Variants in CCDC3 observed in about 807,000 individuals in gnomAD.
CCDC3 encodes the protein coiled-coil domain containing 3.
Under a neutral mutation model 21.4 loss-of-function variants are expected in CCDC3, and 24 were observed. The observed-to-expected ratio is 1.12, with a 90% CI of 0.81 to 1.58. The LOEUF is 1.58. Ranked by LOEUF, CCDC3 falls within the 40% of genes most tolerant of loss-of-function variation. CCDC3 has a pLI of 0.00. For synonymous variants in CCDC3, 186 were observed against 166.0 expected (o/e 1.12, Z -0.93); for missense variants, 425 against 360.9 (o/e 1.18, Z -1.44).
In CCDC3 at chr10:12,998,040, C is replaced by A. The variant is rs896417317; in HGVS notation, c.549+298G>T. 2.6e-5 allele frequency among the ~76,000 whole-genome samples: 4 copies of A among 152,122 alleles called. 1 individual carries two copies. The highest frequency in any genetic ancestry group is 9.7e-5 in the African/African-American group (4 of 41,418). On this transcript the variant is annotated intron_variant, in intron 2 of 2. Coordinates refer to ENST00000378825, the MANE Select transcript of CCDC3 (RefSeq NM_031455.4). The stretch of plus-strand genomic sequence containing the variant: ...GCCTGATATAGATGCTACTATTGTC[C>A]CTGTTCTGTAGAAGAGGAAACTGAG...
chr10:13,070,727 G>A (rs1836871982), intron 4 of CCDC3, among the ~76,000 whole-genome samples: 1 of 152,152 alleles, frequency 6.6e-6, no homozygotes, highest in Non-Finnish European at 1.5e-5. Flanking sequence ...CGATCTAAAA[G>A]GCCTATGTGG....
At chr10:12,956,410 A>G (rs1028217705) in intron 2 of CCDC3, among the ~76,000 whole-genome samples, 1 of 152,100 alleles carries the variant, frequency 6.6e-6, no homozygotes, top group African/African-American at 2.4e-5. Context: ...CCCTGTCAGC[A>G]CAGAGACCCA....
intron 2 of CCDC3, among the ~76,000 whole-genome samples, chr10:12,921,366 T>C (rs76858064): frequency 0.053 from 8,001 of 152,202 alleles, 235 homozygotes; most frequent in Non-Finnish European, 0.071. Flanking sequence ...TGTACGTCTG[T>C]GGGGAAGGTC....
intron 2 of CCDC3, among the ~76,000 whole-genome samples, chr10:12,967,960 G>A (rs892259034): frequency 5.3e-5 from 8 of 152,140 alleles, no homozygotes; most frequent in Non-Finnish European, 1.2e-4. Context: ...CACAAGGTCA[G>A]GAGTTCGAGA....
chr10:13,073,604 C>A (rs61851394), intron 4 of CCDC3, among the ~76,000 whole-genome samples: 32,122 of 151,784 alleles, frequency 0.21, 3,928 homozygotes, highest in East Asian at 0.29. Context: ...CCTCAGCCTC[C>A]TGAGTAGCTA....
At chr10:13,071,757 C>T (rs940688941) in intron 4 of CCDC3, among the ~76,000 whole-genome samples, 3 of 152,322 alleles carry the variant, frequency 2.0e-5, no homozygotes, top group Non-Finnish European at 4.4e-5. Flanking sequence ...GGGATGCCTG[C>T]TCCCTTCTTT....
chr10:12,966,986 C>T (rs1034027326), intron 2 of CCDC3, among the ~76,000 whole-genome samples: 1 of 152,208 alleles, frequency 6.6e-6, no homozygotes, highest in African/African-American at 2.4e-5. Context: ...CCTGTATCAT[C>T]TTCCAGATCT....
chr10:13,050,225 G>C (rs1156786423), intron 4 of CCDC3, among the ~76,000 whole-genome samples: 2 of 152,100 alleles, frequency 1.3e-5, no homozygotes, highest in Non-Finnish European at 2.9e-5. Context: ...TTTGCAGCCT[G>C]TGTGTGTGTC....
chr10:13,029,334 G>A (rs1836267656), intron 5 of CCDC3, among the ~76,000 whole-genome samples: 3 of 152,132 alleles, frequency 2.0e-5, no homozygotes, highest in Admixed American at 6.5e-5. Context: ...TCATCTGTAC[G>A]TCACCATGAT....
chr10:13,090,063 A>ACCGTTTCTTTCTTTTTTT (rs1564345350), intron 3 of CCDC3, among the ~76,000 whole-genome samples: 6 of 56,942 alleles, frequency 1.1e-4, no homozygotes, highest in Non-Finnish European at 1.0e-4. Context: ...ATATATATAT[A>ACCGTTTCTTTCTTTTTTT]TATATATATA....
At chr10:13,065,638 C>G (rs1473346215) in intron 4 of CCDC3, among the ~76,000 whole-genome samples, 1 of 152,210 alleles carries the variant, frequency 6.6e-6, no homozygotes, top group African/African-American at 2.4e-5. Flanking sequence ...CCTCAACAGT[C>G]AGGGCCCAGG....
chr10:12,949,936 C>T (rs151163309), intron 2 of CCDC3, among the ~76,000 whole-genome samples: 1 of 152,270 alleles, frequency 6.6e-6, no homozygotes, highest in Non-Finnish European at 1.5e-5. Context: ...CACTTCAAAG[C>T]AGCCATGTGG....
intron 4 of CCDC3, among the ~76,000 whole-genome samples, chr10:13,072,169 T>A (rs1836891187): frequency 6.6e-6 from 1 of 152,182 alleles, no homozygotes; most frequent in Non-Finnish European, 1.5e-5. Context: ...ATATGTTTCC[T>A]AATAACCCAG....
intron 5 of CCDC3, among the ~76,000 whole-genome samples, chr10:13,042,133 C>A (rs1317803994): frequency 2.0e-5 from 3 of 152,210 alleles, no homozygotes; most frequent in Non-Finnish European, 1.5e-5. Flanking sequence ...CAAATATTAA[C>A]GATGCCGTTT....
intron 3 of CCDC3, among the ~76,000 whole-genome samples, chr10:13,093,392 G>C (rs1448418418): frequency 6.6e-6 from 1 of 151,946 alleles, no homozygotes; most frequent in Non-Finnish European, 1.5e-5. Flanking sequence ...CTCCCACCAG[G>C]TCCCTCCCAC....
At chr10:12,906,867 TCCTC>T (rs1286788585) in intron 2 of CCDC3, among the ~76,000 whole-genome samples, 1 of 152,192 alleles carries the variant, frequency 6.6e-6, no homozygotes, top group Non-Finnish European at 1.5e-5. Flanking sequence ...CTGGAACTCC[TCCTC>T]CCTCAGCATC....
chr10:12,996,153 A>G (rs982276243), intron 2 of CCDC3, among the ~76,000 whole-genome samples: 6 of 152,214 alleles, frequency 3.9e-5, no homozygotes, highest in Non-Finnish European at 8.8e-5. Flanking sequence ...GCTGGGTCCA[A>G]CTCAATATGG....
chr10:12,916,590 A>G (rs1834361552), intron 2 of CCDC3, among the ~76,000 whole-genome samples: 1 of 149,470 alleles, frequency 6.7e-6, no homozygotes, highest in Non-Finnish European at 1.5e-5. Flanking sequence ...ACTGCACTCC[A>G]GCCTGGGTGA....
chr10:13,029,310 T>C (rs980722879), intron 5 of CCDC3, among the ~76,000 whole-genome samples: 2 of 152,166 alleles, frequency 1.3e-5, no homozygotes, highest in African/African-American at 2.4e-5. Flanking sequence ...AGAAAGGACA[T>C]GCACACCAAA....
Sources: allele counts gnomAD v4.1 joint callset (sites outside exome capture counted in the v4.1 genomes callset), GRCh38; gene constraint gnomAD v4.1.1; transcripts MANE v1.5; gene names NCBI Gene and HGNC (gene_info 2026-07-23, HGNC 2026-07-21).